Variants in LEPR observed in about 807,000 individuals in gnomAD.
LEPR encodes the protein OB receptor.
A neutral mutation model predicts 114.7 loss-of-function variants in LEPR; 56 were observed. The ratio of observed to expected loss-of-function variants is 0.49; its 90% CI spans 0.39 to 0.61. The LOEUF is 0.61. Ranked by LOEUF, LEPR falls within the 20% of genes least tolerant of loss-of-function variation. The pLI, the probability that LEPR is intolerant of heterozygous loss-of-function variation, is 0.00. For missense variants in LEPR, 1,202 were observed against 1,352.9 expected (o/e 0.89, Z 1.75); for synonymous variants, 443 against 461.4 (o/e 0.96, Z 0.51).
intron 2 of LEPR, among the ~76,000 whole-genome samples, chr1:65,453,862 G>A (rs1646825553): frequency 6.6e-6 from 1 of 151,526 alleles, no homozygotes; most frequent in Non-Finnish European, 1.5e-5. Flanking sequence ...TCGTTGATCT[G>A]TCTAATGTTG....
At chr1:65,535,972 C>T (rs1650746108) in intron 2 of LEPR, among the ~76,000 whole-genome samples, 1 of 152,124 alleles carries the variant, frequency 6.6e-6, no homozygotes. Context: ...TCTGATTTCT[C>T]CTAATTACCC....
At chr1:65,490,699 G>A (rs1046827821) in intron 2 of LEPR, among the ~76,000 whole-genome samples, 16 of 152,054 alleles carry the variant, frequency 1.1e-4, no homozygotes, top group African/African-American at 3.1e-4. Context: ...TTCTTCTTAA[G>A]CATTTTACGG....
chr1:65,527,870 A>G (rs1259276242), intron 2 of LEPR, among the ~76,000 whole-genome samples: 1 of 152,154 alleles, frequency 6.6e-6, no homozygotes, highest in East Asian at 1.9e-4. Flanking sequence ...GTGAACAGGG[A>G]ATCGTAGAAC....
Position 65,434,209 on chromosome 1 carries a change from T to A in LEPR, c.-21+8831T>A, listed in dbSNP as rs1302079660. The stretch of plus-strand genomic sequence containing the variant: ...AGAGAGCTATTCTGCAGTGCCTAAA[T>A]ATCATTTAAACAGTAAATATTAATA... On this transcript the variant is annotated intron_variant, in intron 2 of 19. Coordinates refer to ENST00000349533, the MANE Select transcript of LEPR (RefSeq NM_002303.6). The A allele has an allele frequency of 3.1e-6, 3 of 981,824 alleles. No individual in the cohort carries two copies. In the East Asian group the frequency reaches 3.4e-4, roughly 111 times the overall value. The allele number at this position is 981,824 out of a possible 1,614,324, so 60.8% of individuals were successfully genotyped here.
At chr1:65,458,938 C>T (rs2100364315) in intron 2 of LEPR, among the ~76,000 whole-genome samples, 1 of 152,290 alleles carries the variant, frequency 6.6e-6, no homozygotes, top group East Asian at 1.9e-4. Flanking sequence ...GCAAACTCAA[C>T]AATTCTTATC....
At chr1:65,600,818 C>A (rs1300596320) in intron 8 of LEPR, among the ~76,000 whole-genome samples, 2 of 151,926 alleles carry the variant, frequency 1.3e-5, no homozygotes, top group Admixed American at 6.6e-5. Flanking sequence ...ATAGTACAAA[C>A]CAGTATTTCC....
Position 65,621,345 on chromosome 1 carries a change from T to C in LEPR, c.2492-8T>C. On this transcript the variant is annotated splice_region_variant and splice_polypyrimidine_tract_variant and intron_variant, in intron 17 of 19. Transcript: ENST00000349533. ...TTCTGAGTTGTGTAAATTGTATTTC[T>C]TTTTCAGATGATATTGAAAAACACC... 6.2e-7 allele frequency: 1 copy of C among 1,609,714 alleles called. No homozygotes were observed. Among genetic ancestry groups the C allele is most frequent in the South Asian group, 1.1e-5 (1 of 90,946 alleles).
intron 2 of LEPR, among the ~76,000 whole-genome samples, chr1:65,439,710 C>G (rs576306237): frequency 4.0e-5 from 6 of 151,530 alleles, no homozygotes; most frequent in African/African-American, 1.5e-4. Flanking sequence ...CCCAGCTACT[C>G]AGGAGGCTGA....
chr1:65,439,963 T>C (rs887618508), intron 2 of LEPR, among the ~76,000 whole-genome samples: 1 of 123,180 alleles, frequency 8.1e-6, no homozygotes, highest in Non-Finnish European at 1.6e-5. Flanking sequence ...ATCGCACCAC[T>C]GCACTCCAGC....
At chr1:65,572,289 T>G (rs12730057) in intron 4 of LEPR, 37 bp from the exon 5 acceptor site, 11 of 1,417,660 alleles carry the variant, frequency 7.8e-6, no homozygotes, top group Non-Finnish European at 1.0e-5. Context: ...TTCATGTAGT[T>G]GTTTTTTTTT....
At chr1:65,501,487 T>C (rs1648449664) in intron 2 of LEPR, among the ~76,000 whole-genome samples, 1 of 151,500 alleles carries the variant, frequency 6.6e-6, no homozygotes, top group African/African-American at 2.4e-5. Context: ...ATAAGGACAC[T>C]GGTCATATTG....
intron 2 of LEPR, among the ~76,000 whole-genome samples, chr1:65,520,682 C>T (rs930746215): frequency 2.0e-5 from 3 of 150,062 alleles, no homozygotes; most frequent in Non-Finnish European, 3.0e-5. Context: ...GGGTCTCAGC[C>T]TTCAGAGCTG....
At chr1:65,558,119 A>C (rs1236284387) in intron 2 of LEPR, among the ~76,000 whole-genome samples, 1 of 152,224 alleles carries the variant, frequency 6.6e-6, no homozygotes, top group African/African-American at 2.4e-5. Flanking sequence ...TCTGTGACAC[A>C]TCTTGACTAT....
At chr1:65,568,501 AGTGTGTGTGTGT>A (rs35333524) in intron 3 of LEPR, among the ~76,000 whole-genome samples, 1 of 148,066 alleles carries the variant, frequency 6.8e-6, no homozygotes, top group African/African-American at 2.5e-5. Flanking sequence ...ATGGTGTGTG[AGTGTGTGTGTGT>A]GTGTGTGTGT....
chr1:65,518,923 TTC>T (rs141195595), intron 2 of LEPR, among the ~76,000 whole-genome samples: 3 of 118,730 alleles, frequency 2.5e-5, no homozygotes, highest in African/African-American at 7.2e-5. Flanking sequence ...CTTTCTCTCT[TTC>T]TCTGTTTCTT....
intron 2 of LEPR, among the ~76,000 whole-genome samples, chr1:65,429,434 G>A (rs1274534111): frequency 2.0e-5 from 3 of 152,206 alleles, no homozygotes; most frequent in Non-Finnish European, 4.4e-5. Context: ...TTGTAGGCTA[G>A]GGCAAGGAAT....
At chr1:65,428,327 A>C (rs1352431584) in intron 2 of LEPR, among the ~76,000 whole-genome samples, 2 of 152,222 alleles carry the variant, frequency 1.3e-5, no homozygotes, top group East Asian at 3.8e-4. Flanking sequence ...TATTCCAGGA[A>C]AAATTAAGAG....
At chr1:65,423,168 G>C (rs1646286180) in intron 1 of LEPR, among the ~76,000 whole-genome samples, 2 of 152,168 alleles carry the variant, frequency 1.3e-5, no homozygotes, top group Admixed American at 6.5e-5. Context: ...GAGAAGTCCA[G>C]ACTGGAGGTG....
At chr1:65,464,853 T>C (rs1038902351) in intron 2 of LEPR, among the ~76,000 whole-genome samples, 11 of 152,254 alleles carry the variant, frequency 7.2e-5, no homozygotes, top group African/African-American at 2.7e-4. Flanking sequence ...AGTTTGTATT[T>C]CTGTGGGATT....
Sources: gnomAD v4.1 joint callset for allele counts (sites outside exome capture counted in the v4.1 genomes callset) on GRCh38, gnomAD v4.1.1 for gene constraint, MANE v1.5 for transcripts, NCBI Gene and HGNC (gene_info 2026-07-23, HGNC 2026-07-21) for gene names.